Variants in KCNAB1 observed in about 807,000 individuals in gnomAD.
KCNAB1 encodes voltage-gated potassium channel subunit beta-1.
In KCNAB1, 35 loss-of-function variants were observed where a neutral mutation model predicts 64.6. That is an observed-to-expected ratio of 0.54 (90% CI 0.41 to 0.72). KCNAB1 has a LOEUF of 0.72. KCNAB1 is among the 30% of genes least tolerant of loss of function. The pLI, the probability that KCNAB1 is intolerant of heterozygous loss-of-function variation, is 0.00. For synonymous variants in KCNAB1, 177 were observed against 183.8 expected (o/e 0.96, Z 0.30); for missense variants, 401 against 512.9 (o/e 0.78, Z 2.11).
chr3:156,396,316 T>C (rs1336658980), intron 1 of KCNAB1, among the ~76,000 whole-genome samples: 1 of 152,144 alleles, frequency 6.6e-6, no homozygotes, highest in African/African-American at 2.4e-5. Flanking sequence ...AAAAAGAAAA[T>C]AGAAACAACA....
At chr3:156,291,630 T>G in intron 1 of KCNAB1, 1 of 1,325,360 alleles carries the variant, frequency 7.5e-7, no homozygotes, top group Non-Finnish European at 9.7e-7. Context: ...CCCGGGAAGA[T>G]TTGCAAACCT....
At chr3:156,488,619 C>T (rs144867113) in intron 8 of KCNAB1, among the ~76,000 whole-genome samples, 7 of 152,160 alleles carry the variant, frequency 4.6e-5, no homozygotes, top group Admixed American at 1.3e-4. Context: ...AAAAAAGTGA[C>T]GTGACTTGAC....
intron 1 of KCNAB1, among the ~76,000 whole-genome samples, chr3:156,233,488 A>G (rs928724917): frequency 9.2e-5 from 14 of 152,204 alleles, no homozygotes; most frequent in African/African-American, 3.4e-4. Flanking sequence ...AGTAAGAAAC[A>G]ACACGAATGG....
In KCNAB1 at chr3:156,371,617, G is replaced by A. The variant is rs549712322; in HGVS notation, c.276-49999G>A. 3.3e-5 allele frequency among the ~76,000 whole-genome samples: 5 copies of A among 152,296 alleles called. No individual in the cohort carries two copies. In the South Asian group the frequency reaches 1.0e-3, roughly 32 times the overall value. On this transcript the variant is annotated intron_variant, in intron 1 of 13. Coordinates refer to ENST00000490337, the MANE Select transcript of KCNAB1 (RefSeq NM_172160.3). Reference sequence around the variant, plus strand: ...CAGAAATGCAATCTTAAAGGAGGGGGCTCAGGGTACATTTTTTTCATGTGA... The same window carrying A: ...CAGAAATGCAATCTTAAAGGAGGGGACTCAGGGTACATTTTTTTCATGTGA...
intron 1 of KCNAB1, among the ~76,000 whole-genome samples, chr3:156,388,892 T>C (rs1262738926): frequency 6.6e-6 from 1 of 152,186 alleles, no homozygotes; most frequent in African/African-American, 2.4e-5. Context: ...TCCTTTCACG[T>C]CAGGGGCATT....
At chr3:156,267,731 G>A (rs1367346870) in intron 1 of KCNAB1, among the ~76,000 whole-genome samples, 2 of 151,932 alleles carry the variant, frequency 1.3e-5, no homozygotes, top group East Asian at 3.9e-4. Flanking sequence ...CTGCCCAGAT[G>A]TTTTCTTTGC....
chr3:156,182,198 A>G (rs1026354938), intron 1 of KCNAB1, among the ~76,000 whole-genome samples: 1 of 152,198 alleles, frequency 6.6e-6, no homozygotes, highest in African/African-American at 2.4e-5. Context: ...CTTCTGCAAG[A>G]TATCTGAGAA....
At chr3:156,394,028 A>G (rs1276806819) in intron 1 of KCNAB1, among the ~76,000 whole-genome samples, 2 of 152,214 alleles carry the variant, frequency 1.3e-5, no homozygotes, top group Non-Finnish European at 2.9e-5. Flanking sequence ...CTGTCCTTCC[A>G]TTTCTTCTCT....
At chr3:156,347,351 G>A (rs997549727) in intron 1 of KCNAB1, among the ~76,000 whole-genome samples, 3 of 152,312 alleles carry the variant, frequency 2.0e-5, no homozygotes, top group Non-Finnish European at 2.9e-5. Context: ...AGCCCTAACA[G>A]GTGAGTTGAG....
At chr3:156,432,630 G>GA (rs1559881911) in intron 2 of KCNAB1, among the ~76,000 whole-genome samples, 2 of 152,230 alleles carry the variant, frequency 1.3e-5, no homozygotes, top group South Asian at 4.1e-4. Context: ...TAGCTGAAAA[G>GA]AAGGAAGCAG....
chr3:156,171,671 T>C (rs1346405675), intron 1 of KCNAB1, among the ~76,000 whole-genome samples: 1 of 152,190 alleles, frequency 6.6e-6, no homozygotes, highest in African/African-American at 2.4e-5. Context: ...GAATGTACTG[T>C]GCTGTTCAAA....
intron 13 of KCNAB1, 132 bp from the exon 14 acceptor site, chr3:156,536,526 C>CG (rs1054375524): frequency 1.8e-4 from 124 of 684,530 alleles, no homozygotes; most frequent in Middle Eastern, 2.5e-4. Context: ...GTGTTGGGGG[C>CG]GGGGGGCTTA....
intron 1 of KCNAB1, among the ~76,000 whole-genome samples, chr3:156,246,359 A>AGG (rs1371106569): frequency 6.6e-6 from 1 of 152,118 alleles, no homozygotes; most frequent in Non-Finnish European, 1.5e-5. Context: ...TAATCCCAGC[A>AGG]CTTTGGGAGG....
chr3:156,426,306 TA>T (rs1461867700), intron 2 of KCNAB1, among the ~76,000 whole-genome samples: 13 of 152,216 alleles, frequency 8.5e-5, no homozygotes, highest in East Asian at 1.9e-4. Context: ...ATTATTATTT[TA>T]AAAAAATAGA....
intron 1 of KCNAB1, among the ~76,000 whole-genome samples, chr3:156,137,076 A>G (rs918343705): frequency 6.6e-6 from 1 of 151,906 alleles, no homozygotes; most frequent in Non-Finnish European, 1.5e-5. Context: ...GATTTGTTAC[A>G]TGGGTAAACT....
At chr3:156,247,707 C>A (rs927995502) in intron 1 of KCNAB1, among the ~76,000 whole-genome samples, 2 of 152,108 alleles carry the variant, frequency 1.3e-5, no homozygotes, top group Non-Finnish European at 2.9e-5. Flanking sequence ...GGACTACAGG[C>A]ATGAACCACC....
At chr3:156,170,659 T>C (rs1255457770) in intron 1 of KCNAB1, among the ~76,000 whole-genome samples, 1 of 152,190 alleles carries the variant, frequency 6.6e-6, no homozygotes, top group African/African-American at 2.4e-5. Context: ...TTACATATAA[T>C]AATATTCAGC....
intron 5 of KCNAB1, among the ~76,000 whole-genome samples, chr3:156,461,050 T>C (rs1007233415): frequency 6.6e-6 from 1 of 152,250 alleles, no homozygotes; most frequent in Non-Finnish European, 1.5e-5. Context: ...GAAAACTATA[T>C]TCCACCTTAT....
chr3:156,226,459 C>T (rs1716177905), intron 1 of KCNAB1, among the ~76,000 whole-genome samples: 1 of 152,148 alleles, frequency 6.6e-6, no homozygotes. Context: ...CATAAAAATT[C>T]TAGAAGATAA....
Sources: gnomAD v4.1 joint callset for allele counts (sites outside exome capture counted in the v4.1 genomes callset) on GRCh38, gnomAD v4.1.1 for gene constraint, MANE v1.5 for transcripts, NCBI Gene and HGNC (gene_info 2026-07-23, HGNC 2026-07-21) for gene names.